PLXNA4: variants seen among roughly 807,000 people sequenced by gnomAD.
PLXNA4 encodes the protein plexin-A4.
A neutral mutation model predicts 191.8 loss-of-function variants in PLXNA4; 44 were observed. That is an observed-to-expected ratio of 0.23 (90% CI 0.18 to 0.29). The LOEUF (loss-of-function observed/expected upper bound fraction) is 0.29. PLXNA4 is among the 10% of genes least tolerant of loss of function. The probability of loss-of-function intolerance (pLI) is 1.00; values close to 1 mark genes in which losing one functional copy is unlikely to be tolerated. For missense variants in PLXNA4, 1,800 were observed against 2,488.8 expected (o/e 0.72, Z 5.89); for synonymous variants, 1,082 against 1,009.5 (o/e 1.07, Z -1.36).
chr7:132,297,583 T>A (rs1473308633), intron 4 of PLXNA4, among the ~76,000 whole-genome samples: 1 of 152,148 alleles, frequency 6.6e-6, no homozygotes, highest in Non-Finnish European at 1.5e-5. Flanking sequence ...CACAAAGAGT[T>A]GTATGTACAC....
chr7:132,611,667 T>C (rs1258016751), intron 2 of PLXNA4, among the ~76,000 whole-genome samples: 1 of 152,202 alleles, frequency 6.6e-6, no homozygotes, highest in Admixed American at 6.5e-5. Context: ...GCCTAGAATT[T>C]GAAAACTGTA....
intron 12 of PLXNA4, among the ~76,000 whole-genome samples, chr7:132,199,411 G>A (rs145675262): frequency 6.6e-6 from 1 of 152,284 alleles, no homozygotes; most frequent in Non-Finnish European, 1.5e-5. Flanking sequence ...CTCGTACACA[G>A]GTCAAAGTGT....
intron 31 of PLXNA4, among the ~76,000 whole-genome samples, chr7:132,132,801 AAAG>A (rs1399982816): frequency 1.3e-5 from 2 of 152,210 alleles, no homozygotes; most frequent in Non-Finnish European, 2.9e-5. Context: ...AAGAATTAAA[AAAG>A]ACAATATAAA....
At chr7:132,232,972 G>A (rs1798574577) in intron 5 of PLXNA4, among the ~76,000 whole-genome samples, 1 of 152,144 alleles carries the variant, frequency 6.6e-6, no homozygotes, top group East Asian at 1.9e-4. Context: ...TGTTTACCAG[G>A]CTTAGGCATC....
At chr7:132,200,968 C>T (rs1161900173) in intron 12 of PLXNA4, among the ~76,000 whole-genome samples, 1 of 152,216 alleles carries the variant, frequency 6.6e-6, no homozygotes, top group East Asian at 1.9e-4. Context: ...ATCAAAGTCA[C>T]AGGGTGAAGT....
intron 3 of PLXNA4, among the ~76,000 whole-genome samples, chr7:132,326,042 T>C (rs573380729): frequency 6.6e-6 from 1 of 152,298 alleles, no homozygotes; most frequent in Non-Finnish European, 1.5e-5. Context: ...TGTGAAGGTC[T>C]TTCAGATGAA....
At chr7:132,132,569 T>A (rs190313705) in intron 31 of PLXNA4, among the ~76,000 whole-genome samples, 2 of 151,664 alleles carry the variant, frequency 1.3e-5, no homozygotes, top group South Asian at 4.2e-4. Context: ...TCTACTCCGT[T>A]CCATTCCATT....
At chr7:132,532,509 C>T (rs535816806) in intron 1 of PLXNA4, among the ~76,000 whole-genome samples, 2 of 152,236 alleles carry the variant, frequency 1.3e-5, no homozygotes, top group African/African-American at 4.8e-5. Flanking sequence ...TTCTTTCCTG[C>T]CTTGTTTGAA....
intron 14 of PLXNA4, among the ~76,000 whole-genome samples, chr7:132,192,036 T>G (rs977736236): frequency 6.6e-6 from 1 of 152,188 alleles, no homozygotes; most frequent in Non-Finnish European, 1.5e-5. Flanking sequence ...TCTAATTTTA[T>G]GAATTCCTAT....
rs767016079 is a variant in PLXNA4 at position 132,508,582 on chromosome 7, G to T, written c.112C>A (p.Arg38=). The T allele has an allele frequency of 4.3e-6, 7 of 1,613,920 alleles. No homozygotes were observed. In the African/African-American group the frequency reaches 9.3e-5, roughly 22 times the overall value. Residue 38 remains arginine (R), a synonymous_variant, in exon 2 of 32, where the codon CGG becomes AGG. Transcript: ENST00000321063. The surrounding 1 kb of genome is among the most constrained non-coding windows in gnomAD (Gnocchi z 4.4). ...RQPAPLSQKQ[R]SFVTFRGEPA... Reference sequence around the variant, plus strand: ...TCTCCTCGGAATGTGACAAATGACCGCTGCTTCTGGGACAGCGGGGCTGGC... The same window carrying T: ...TCTCCTCGGAATGTGACAAATGACCTCTGCTTCTGGGACAGCGGGGCTGGC...
chr7:132,376,797 G>A (rs945701315), intron 3 of PLXNA4, among the ~76,000 whole-genome samples: 5 of 152,258 alleles, frequency 3.3e-5, no homozygotes, highest in Non-Finnish European at 7.4e-5. Flanking sequence ...GAACGGACAC[G>A]GGGCAGCCAT....
chr7:132,550,132 A>C (rs1800496351), intron 1 of PLXNA4, among the ~76,000 whole-genome samples: 2 of 152,102 alleles, frequency 1.3e-5, no homozygotes, highest in Admixed American at 6.5e-5. Context: ...GTTTACCCTG[A>C]AGGAAGTGAA....
At chr7:132,372,564 C>A (rs765340442) in intron 3 of PLXNA4, among the ~76,000 whole-genome samples, 4 of 152,222 alleles carry the variant, frequency 2.6e-5, no homozygotes, top group Non-Finnish European at 4.4e-5. Context: ...CCACACCAAG[C>A]AACGTGTCCT....
chr7:132,608,102 T>TCATCATCCC (rs1802970930), intron 2 of PLXNA4, among the ~76,000 whole-genome samples: 4 of 150,854 alleles, frequency 2.7e-5, no homozygotes, highest in African/African-American at 4.9e-5. Context: ...CTCATCACTA[T>TCATCATCCC]CACCATCACC....
At chr7:132,205,832 G>T (rs1797598834) in intron 10 of PLXNA4, among the ~76,000 whole-genome samples, 1 of 152,202 alleles carries the variant, frequency 6.6e-6, no homozygotes, top group Admixed American at 6.5e-5. Flanking sequence ...ACACAAAGTA[G>T]AAGCAGCAGG....
rs1199812874 is a variant in PLXNA4, at chr7:132,379,994, T to TA, written c.1372-81773dup. Among the ~76,000 whole-genome samples the TA allele has an allele frequency of 2.0e-5, 3 of 152,320 alleles. No homozygotes were observed. In the East Asian group the frequency reaches 5.8e-4, roughly 29 times the overall value. On this transcript the variant is annotated intron_variant, in intron 3 of 31. Transcript: ENST00000321063. ...CCACCGTCACCCCTCACTGCCCCTGTACCTCATAATATAACAGTGGCTTAA... is the reference window on the plus strand; with the variant it reads ...CCACCGTCACCCCTCACTGCCCCTGTAACCTCATAATATAACAGTGGCTTAA...
intron 2 of PLXNA4, among the ~76,000 whole-genome samples, chr7:132,611,204 C>T (rs901294385): frequency 3.9e-5 from 6 of 152,172 alleles, no homozygotes; most frequent in East Asian, 1.9e-4. Context: ...GTGGTGTTTG[C>T]GAACTTAAAT....
Position 132,574,418 on chromosome 7 carries a change from C to A in PLXNA4, c.-87+2004G>T, listed in dbSNP as rs565656439. On this transcript the variant is annotated intron_variant, in intron 1 of 31. Coordinates refer to ENST00000321063, the MANE Select transcript of PLXNA4 (RefSeq NM_020911.2). ...CGTAGGTGGGATCTGCCTGTCCACG[C>A]CCTCAAGGGGCATGTGGGGAGAAAT... 2.6e-5 allele frequency among the ~76,000 whole-genome samples: 4 copies of A among 152,222 alleles called. No individual in the cohort carries two copies. The South Asian group carries it at 8.3e-4, about 31-fold the overall frequency.
At chr7:132,488,754 C>T (rs1339558725) in intron 3 of PLXNA4, among the ~76,000 whole-genome samples, 2 of 152,218 alleles carry the variant, frequency 1.3e-5, no homozygotes, top group African/African-American at 2.4e-5. Flanking sequence ...TACCATCTGA[C>T]CTCACCAGAG....
Sources: allele counts gnomAD v4.1 joint callset (sites outside exome capture counted in the v4.1 genomes callset), GRCh38; gene constraint gnomAD v4.1.1; non-coding constraint Gnocchi (gnomAD v3.1); transcripts MANE v1.5; gene names NCBI Gene and HGNC (gene_info 2026-07-23, HGNC 2026-07-21).